The following OLFM3 variants were observed in gnomAD, a reference collection of about 807,000 sequenced individuals.
OLFM3 encodes olfactomedin 3.
Under a neutral mutation model 48.6 loss-of-function variants are expected in OLFM3, and 20 were observed. That is an observed-to-expected ratio of 0.41 (90% CI 0.29 to 0.60). The LOEUF is 0.60. OLFM3 is among the 20% of genes least tolerant of loss of function. The pLI is 0.28. For synonymous variants in OLFM3, 222 were observed against 198.1 expected (o/e 1.12, Z -1.01); for missense variants, 437 against 544.3 (o/e 0.80, Z 1.96).
At chr1:101,929,481 C>T (rs1399160645) in intron 1 of OLFM3, among the ~76,000 whole-genome samples, 2 of 152,108 alleles carry the variant, frequency 1.3e-5, no homozygotes, top group South Asian at 2.1e-4. Flanking sequence ...TCTCCCCACT[C>T]TGGCAGATCC....
At chr1:101,856,138 C>T (rs1471857337) in intron 1 of OLFM3, among the ~76,000 whole-genome samples, 2 of 151,836 alleles carry the variant, frequency 1.3e-5, no homozygotes, top group Admixed American at 6.6e-5. Flanking sequence ...TCATCATTGT[C>T]CTCTCATCAA....
intron 1 of OLFM3, among the ~76,000 whole-genome samples, chr1:101,913,950 A>T (rs1222922211): frequency 6.6e-6 from 1 of 152,204 alleles, no homozygotes; most frequent in Non-Finnish European, 1.5e-5. Context: ...AAAACTCCAA[A>T]TATATTACCT....
chr1:101,882,083 C>T (rs1250418642), intron 1 of OLFM3, among the ~76,000 whole-genome samples: 1 of 150,468 alleles, frequency 6.6e-6, no homozygotes, highest in Non-Finnish European at 1.5e-5. Context: ...AAAATTTAGT[C>T]ATGAAATACA....
chr1:101,863,990 G>A (rs1656759875), intron 1 of OLFM3, among the ~76,000 whole-genome samples: 1 of 152,136 alleles, frequency 6.6e-6, no homozygotes, highest in Non-Finnish European at 1.5e-5. Flanking sequence ...TCAGAAATGG[G>A]CTGAGACCCC....
At chr1:101,864,512 T>C (rs1219259491) in intron 1 of OLFM3, among the ~76,000 whole-genome samples, 1 of 152,220 alleles carries the variant, frequency 6.6e-6, no homozygotes, top group Non-Finnish European at 1.5e-5. Context: ...TAAAATTATT[T>C]TAGCTGTGTT....
At chr1:101,895,232 G>T in intron 1 of OLFM3, among the ~76,000 whole-genome samples, 1 of 151,872 alleles carries the variant, frequency 6.6e-6, no homozygotes, top group East Asian at 1.9e-4. Context: ...TCCTCTATTT[G>T]CTTATTTATT....
chr1:101,980,233 T>C (rs1292946498), intron 1 of OLFM3, among the ~76,000 whole-genome samples: 1 of 152,064 alleles, frequency 6.6e-6, no homozygotes, highest in African/African-American at 2.4e-5. Context: ...AGTTAAGACT[T>C]TGGGGGACTG....
chr1:101,871,010 G>C (rs1290997997), intron 1 of OLFM3, among the ~76,000 whole-genome samples: 1 of 151,858 alleles, frequency 6.6e-6, no homozygotes, highest in Non-Finnish European at 1.5e-5. Flanking sequence ...AAGAAATTTA[G>C]ACAGAGCAGA....
intron 1 of OLFM3, among the ~76,000 whole-genome samples, chr1:101,990,989 T>TAAAAAAAAAAA (rs58481588): frequency 1.3e-3 from 12 of 8,906 alleles, no homozygotes; most frequent in Admixed American, 2.8e-3. Context: ...TGTCAAAAAG[T>TAAAAAAAAAAA]AAAAAAAAAA....
intron 1 of OLFM3, among the ~76,000 whole-genome samples, chr1:101,843,977 G>A (rs141605176): frequency 6.6e-6 from 1 of 152,270 alleles, no homozygotes; most frequent in African/African-American, 2.4e-5. Flanking sequence ...TTTAAAGTGA[G>A]AACATGGAGT....
chr1:101,915,339 T>G (rs976412381), intron 1 of OLFM3, among the ~76,000 whole-genome samples: 1 of 151,582 alleles, frequency 6.6e-6, no homozygotes, highest in Middle Eastern at 3.4e-3. Flanking sequence ...AATTGTACAT[T>G]TAATCCTCTT....
chr1:101,992,794 T>C (rs1661451645), intron 1 of OLFM3, among the ~76,000 whole-genome samples: 1 of 152,126 alleles, frequency 6.6e-6, no homozygotes, highest in Non-Finnish European at 1.5e-5. Context: ...AACAATATAA[T>C]TATTAAAATA....
chr1:101,940,157 G>GAGAAGTTAT (rs2101058068), intron 1 of OLFM3, among the ~76,000 whole-genome samples: 1 of 152,148 alleles, frequency 6.6e-6, no homozygotes, highest in East Asian at 1.9e-4. Context: ...ATTCTGAAGG[G>GAGAAGTTAT]AGAAGTTATA....
intron 4 of OLFM3, among the ~76,000 whole-genome samples, chr1:101,824,019 T>C (rs1654728877): frequency 6.6e-6 from 1 of 152,164 alleles, no homozygotes; most frequent in African/African-American, 2.4e-5. Context: ...AAAATAGTCT[T>C]TACAATGTTC....
rs930821208 is a variant in OLFM3, at chr1:101,948,926, C to A, written c.69+47822G>T. On this transcript the variant is annotated intron_variant, in intron 1 of 5. Coordinates refer to ENST00000370103, the MANE Select transcript of OLFM3 (RefSeq NM_058170.4). ...TGCTTATATATAATAAAATAAAAAA[C>A]AACAACAAAAAACAAAAGCAAGCCT... Among the ~76,000 whole-genome samples, 5 of 149,016 alleles carry A rather than the reference C, an allele frequency of 3.4e-5. No homozygotes were observed. In the East Asian group the frequency reaches 9.7e-4, roughly 29 times the overall value.
intron 1 of OLFM3, among the ~76,000 whole-genome samples, chr1:101,950,635 G>A (rs536580729): frequency 3.3e-5 from 5 of 151,754 alleles, no homozygotes; most frequent in Non-Finnish European, 7.4e-5. Flanking sequence ...TAGTAGAGAC[G>A]GAGTTTCACC....
At chr1:101,835,923 G>C (rs1024128272) in intron 2 of OLFM3, among the ~76,000 whole-genome samples, 1 of 152,092 alleles carries the variant, frequency 6.6e-6, no homozygotes, top group Non-Finnish European at 1.5e-5. Flanking sequence ...AGTCACCATG[G>C]CAGCCTGAAA....
At chr1:101,943,992 C>T (rs1323983446) in intron 1 of OLFM3, among the ~76,000 whole-genome samples, 2 of 150,806 alleles carry the variant, frequency 1.3e-5, no homozygotes, top group East Asian at 3.9e-4. Flanking sequence ...AAGAATATTC[C>T]GTTGAAAGTT....
At chr1:101,886,552 T>G (rs991955297) in intron 1 of OLFM3, among the ~76,000 whole-genome samples, 6 of 152,074 alleles carry the variant, frequency 3.9e-5, no homozygotes, top group Non-Finnish European at 8.8e-5. Flanking sequence ...CATAGCATGT[T>G]AGCTTGGGGG....
Sources: allele counts gnomAD v4.1 joint callset (sites outside exome capture counted in the v4.1 genomes callset), GRCh38; gene constraint gnomAD v4.1.1; transcripts MANE v1.5; gene names NCBI Gene and HGNC (gene_info 2026-07-23, HGNC 2026-07-21).